GALNT16: variants seen among roughly 807,000 people sequenced by gnomAD.
GALNT16 encodes the protein UDP-GalNAc:polypeptide N-acetylgalactosaminyltransferase-like protein 1.
In GALNT16, 40 loss-of-function variants were observed where a neutral mutation model predicts 76.1. That is an observed-to-expected ratio of 0.53 (90% confidence interval 0.41 to 0.68). GALNT16 has a LOEUF of 0.68. Ranked by LOEUF, GALNT16 falls within the 30% of genes least tolerant of loss-of-function variation. The pLI is 0.00. For missense variants in GALNT16, 621 were observed against 731.9 expected (o/e 0.85, Z 1.75); for synonymous variants, 276 against 285.2 (o/e 0.97, Z 0.32).
intron 1 of GALNT16, among the ~76,000 whole-genome samples, chr14:69,290,674 T>C (rs1190928661): frequency 6.6e-6 from 1 of 152,206 alleles, no homozygotes; most frequent in African/African-American, 2.4e-5. Flanking sequence ...TCAGACTGGC[T>C]TAGGAAAATA....
intron 1 of GALNT16, among the ~76,000 whole-genome samples, chr14:69,267,029 C>G (rs1446649881): frequency 6.6e-6 from 1 of 152,212 alleles, no homozygotes; most frequent in Non-Finnish European, 1.5e-5. Flanking sequence ...TGAGTCTGAC[C>G]TTCCCATATT....
At chr14:69,273,924 T>C (rs2044438339) in intron 1 of GALNT16, among the ~76,000 whole-genome samples, 1 of 152,220 alleles carries the variant, frequency 6.6e-6, no homozygotes, top group South Asian at 2.1e-4. Flanking sequence ...AAACAGGAGC[T>C]GTGGATTTGA....
At chr14:69,276,411 G>A (rs571479380) in intron 1 of GALNT16, among the ~76,000 whole-genome samples, 2 of 152,222 alleles carry the variant, frequency 1.3e-5, no homozygotes, top group African/African-American at 2.4e-5. Context: ...GGCTGGGTGC[G>A]GTGGCGCACG....
rs141987458 is a variant in GALNT16 at position 69,264,571 on chromosome 14, G to A, written c.177+4104G>A. ...TTTTCTGGTAGTGTTCTCAGAGAGC[G>A]GATGCTTTAATAAGATCTAAAATAA... On this transcript the variant is annotated intron_variant, in intron 1 of 14. Coordinates refer to ENST00000448469, the MANE Select transcript of GALNT16 (RefSeq NM_001168368.2). Among the ~76,000 whole-genome samples, 67 of 152,106 alleles carry A rather than the reference G, an allele frequency of 4.4e-4. No individual in the cohort carries two copies. In the East Asian group the frequency reaches 0.012, roughly 27 times the overall value.
downstream of GALNT16, chr14:69,354,910 A>T (rs1277926283): frequency 6.6e-6 from 1 of 152,326 alleles, no homozygotes; most frequent in Non-Finnish European, 1.5e-5. Flanking sequence ...CTGCTCTACC[A>T]CACAAGAAGG....
downstream of GALNT16, among the ~76,000 whole-genome samples, chr14:69,361,353 T>C (rs148967746): frequency 2.3e-3 from 351 of 152,224 alleles, 1 homozygote; most frequent in Non-Finnish European, 3.8e-3. Flanking sequence ...ATTTACAAAC[T>C]AGATATCAAA....
At chr14:69,302,404 G>A (rs759252579) in intron 1 of GALNT16, among the ~76,000 whole-genome samples, 2 of 151,580 alleles carry the variant, frequency 1.3e-5, no homozygotes, top group Non-Finnish European at 2.9e-5. Flanking sequence ...GTATGGGCAT[G>A]TACACACAAA....
chr14:69,288,882 T>G (rs1253181310), intron 1 of GALNT16, among the ~76,000 whole-genome samples: 1 of 152,008 alleles, frequency 6.6e-6, no homozygotes, highest in Non-Finnish European at 1.5e-5. Context: ...GATAGAAGTC[T>G]TCTTTTTTTT....
At chr14:69,378,198 G>A in the GALNT16 span, among the ~76,000 whole-genome samples, 4 of 152,190 alleles carry the variant, frequency 2.6e-5, no homozygotes, top group East Asian at 7.7e-4. Context: ...AGGGAAGTGA[G>A]ATCGTTGAAC....
intron 1 of GALNT16, among the ~76,000 whole-genome samples, chr14:69,283,368 G>A (rs888755917): frequency 6.6e-6 from 1 of 152,206 alleles, no homozygotes; most frequent in African/African-American, 2.4e-5. Flanking sequence ...ATCGGAGGGA[G>A]GCTGGCCAGT....
At chr14:69,331,424 G>A in intron 6 of GALNT16, 40 bp from the exon 7 acceptor site, 1 of 1,149,936 alleles carries the variant, frequency 8.7e-7, no homozygotes, top group Non-Finnish European at 1.3e-6. Flanking sequence ...TTTCTGCAGA[G>A]AAGTCCCAGG....
chr14:69,319,132 C>G (rs1032417262), intron 1 of GALNT16, among the ~76,000 whole-genome samples: 3 of 152,244 alleles, frequency 2.0e-5, no homozygotes, highest in Admixed American at 6.5e-5. Flanking sequence ...GCCCAGTGGA[C>G]ACGAGGACAT....
intron 1 of GALNT16, among the ~76,000 whole-genome samples, chr14:69,297,811 A>G (rs550478677): frequency 1.9e-4 from 29 of 152,338 alleles, no homozygotes; most frequent in African/African-American, 7.0e-4. Flanking sequence ...TTCTAGTGAC[A>G]TAATCGTCGG....
chr14:69,371,738 G>A, the GALNT16 span, among the ~76,000 whole-genome samples: 1 of 151,740 alleles, frequency 6.6e-6, no homozygotes. Context: ...GAGGTCAGGA[G>A]TTGGAGACCA....
intron 2 of GALNT16, among the ~76,000 whole-genome samples, chr14:69,322,975 TGTGTGTGCGC>T (rs1370720844): frequency 6.8e-5 from 3 of 44,304 alleles, no homozygotes; most frequent in African/African-American, 1.5e-4. Flanking sequence ...TGTGTGTGTG[TGTGTGTGCGC>T]GCGCACGCGC....
intron 1 of GALNT16, among the ~76,000 whole-genome samples, chr14:69,264,815 C>CTTTTTTTTTT (rs1436985515): frequency 4.4e-5 from 2 of 44,950 alleles, no homozygotes; most frequent in East Asian, 2.9e-3. Context: ...TTTTCTTTTT[C>CTTTTTTTTTT]TTTCTTTTTT....
chr14:69,263,419 T>C (rs2044302147), intron 1 of GALNT16, among the ~76,000 whole-genome samples: 2 of 152,224 alleles, frequency 1.3e-5, no homozygotes, highest in Admixed American at 1.3e-4. Flanking sequence ...AACCGCTTAT[T>C]CAGAAACATT....
At chr14:69,320,984 C>A in intron 2 of GALNT16, 116 bp downstream of exon 2, 1 of 1,081,690 alleles carries the variant, frequency 9.2e-7, no homozygotes, top group Non-Finnish European at 1.3e-6. Context: ...AGACTGTGTC[C>A]AGTGATTTAG....
the GALNT16 span, among the ~76,000 whole-genome samples, chr14:69,385,867 T>C: frequency 1.3e-5 from 2 of 152,162 alleles, no homozygotes; most frequent in African/African-American, 4.8e-5. Flanking sequence ...ACTTCTGCAT[T>C]TGGCTTCCAG....
Sources: gnomAD v4.1 joint callset for allele counts (sites outside exome capture counted in the v4.1 genomes callset) on GRCh38, gnomAD v4.1.1 for gene constraint, MANE v1.5 for transcripts, NCBI Gene and HGNC (gene_info 2026-07-23, HGNC 2026-07-21) for gene names.